The following PSMD5 variants were observed in gnomAD, a reference collection of about 807,000 sequenced individuals.
The protein encoded by PSMD5 is 26S proteasome non-ATPase regulatory subunit 5.
Under a neutral mutation model 52.1 loss-of-function variants are expected in PSMD5, and 40 were observed. The observed-to-expected ratio is 0.77, with a 90% CI of 0.60 to 1.00. The LOEUF (loss-of-function observed/expected upper bound fraction) is 1.00, where lower values mean the gene tolerates loss of function less well. Ranked by LOEUF, PSMD5 falls within the 50% of genes least tolerant of loss-of-function variation. The probability of loss-of-function intolerance (pLI) is 0.00; values close to 1 mark genes in which losing one functional copy is unlikely to be tolerated. For synonymous variants in PSMD5, 211 were observed against 226.6 expected, an observed-to-expected ratio of 0.93 and a Z score of 0.62; for missense variants, 575 against 605.2, an observed-to-expected ratio of 0.95 and a Z score of 0.52.
chr9:120,820,970 G>T lies in PSMD5; in HGVS notation c.1126C>A (p.Gln376Lys). 6.3e-7 allele frequency: 1 copy of T among 1,584,330 alleles called. No homozygotes were observed. The highest frequency in any genetic ancestry group is 8.5e-7 in the Non-Finnish European group (1 of 1,172,312). Reference protein sequence around the residue: ...SSLLYLPPEQQTDDLLRMTES... With the variant: ...SSLLYLPPEQKTDDLLRMTES... ...GTCATCCTCAGAAGGTCATCAGTCTGCTGCTCAGGCTACAGGAAAGAAAAG... is the reference window on the plus strand; with the variant it reads ...GTCATCCTCAGAAGGTCATCAGTCTTCTGCTCAGGCTACAGGAAAGAAAAG... The change falls in exon 9 of 10, where the codon CAG (glutamine) becomes AAG (lysine). Residue 376 changes from glutamine (Q) to lysine (K), a missense_variant. Gln to Lys is a moderately conservative substitution (Grantham distance 53). Coordinates refer to ENST00000210313, the MANE Select transcript of PSMD5 (RefSeq NM_005047.4).
rs762049840 is a variant in PSMD5 at position 120,826,783 on chromosome 9, A to G, written c.796T>C (p.Ser266Pro). Residue 266 changes from serine (S) to proline (P), a missense_variant, in exon 6 of 10, where the codon TCT becomes CCT. Transcript: ENST00000210313. Reference protein sequence around the residue: ...IIVGADSDPFSSFYLPGFVKF... With the variant: ...IIVGADSDPFPSFYLPGFVKF... The stretch of plus-strand genomic sequence containing the variant: ...TCCTTACCTGGCAGATAGAAGCTAG[A>G]GAAAGGGTCTGAATCTGCCCCAACA... 1 of 1,613,848 alleles carries G rather than the reference A, an allele frequency of 6.2e-7. No individual in the cohort carries two copies. Among genetic ancestry groups the G allele is most frequent in the Non-Finnish European group, 8.5e-7 (1 of 1,179,802 alleles).
chr9:120,831,123 G>A (rs1231681370), intron 4 of PSMD5, among the ~76,000 whole-genome samples: 4 of 152,046 alleles, frequency 2.6e-5, no homozygotes, highest in African/African-American at 9.7e-5. Context: ...GCCTCAAGGG[G>A]TCCTCCTGCC....
chr9:120,838,083 C>T (rs962647404), intron 1 of PSMD5, among the ~76,000 whole-genome samples: 1 of 152,198 alleles, frequency 6.6e-6, no homozygotes. Context: ...AGTTCATCTA[C>T]AGTGAGAGAA....
At chr9:120,821,557 G>T in intron 7 of PSMD5, 93 bp from the exon 8 acceptor site, 1 of 794,448 alleles carries the variant, frequency 1.3e-6, no homozygotes, top group Non-Finnish European at 1.9e-6. Context: ...GTATAGTTCA[G>T]TGCTATTAAG....
chr9:120,828,461 TGAGAC>T (rs2045138286), intron 5 of PSMD5, among the ~76,000 whole-genome samples: 1 of 150,696 alleles, frequency 6.6e-6, no homozygotes, highest in Admixed American at 6.6e-5. Context: ...TTTTTTTTTT[TGAGAC>T]AGAGTCTTAC....
chr9:120,828,358 A>G (rs910352613), intron 5 of PSMD5, among the ~76,000 whole-genome samples: 2 of 151,856 alleles, frequency 1.3e-5, no homozygotes, highest in Admixed American at 6.6e-5. Context: ...TAGAAAGCTT[A>G]TAATTATCTG....
At chr9:120,833,000 T>C (rs747817414) in intron 2 of PSMD5, among the ~76,000 whole-genome samples, 1 of 152,236 alleles carries the variant, frequency 6.6e-6, no homozygotes, top group Non-Finnish European at 1.5e-5. Flanking sequence ...GTTTTGTTTA[T>C]CTTGGTAACT....
chr9:120,831,416 A>C lies in PSMD5; in HGVS notation c.476T>G (p.Leu159Arg). The C allele has an allele frequency of 6.2e-7, 1 of 1,612,664 alleles. No homozygotes were observed. Residue 159 changes from leucine to arginine, a missense_variant, in exon 4 of 10, where the codon CTG (leucine) becomes CGG (arginine). Physicochemically the swap from Leu to Arg is moderately radical, Grantham distance 102. Coordinates refer to ENST00000210313, the MANE Select transcript of PSMD5 (RefSeq NM_005047.4). Reference protein sequence around the residue: ...LSRISLTQAGLEALFESNLLD... With the variant: ...LSRISLTQAGREALFESNLLD... ...CAGATTGCTTTCAAATAAAGCCTCC[A>C]GTCCAGCTTGGGTTAGTGATATTCT... is the stretch of plus-strand genomic sequence containing the variant.
intron 1 of PSMD5, among the ~76,000 whole-genome samples, chr9:120,840,619 CTT>C (rs35843505): frequency 9.5e-5 from 11 of 116,140 alleles, no homozygotes; most frequent in South Asian, 2.8e-4. Context: ...CTAATTTTTG[CTT>C]TTTTTTTTTT....
Position 120,818,033 on chromosome 9 carries a change from A to G in PSMD5, c.1388T>C (p.Leu463Pro). Residue 463 changes from leucine (L) to proline (P), a missense_variant, in exon 10 of 10, where the codon CTT becomes CCT. By Grantham distance (98) the Leu-to-Pro change is moderately conservative. Transcript: ENST00000210313. ...KDAKYELVKALANSKTIAEIF... is the reference protein window; with the variant it reads ...KDAKYELVKAPANSKTIAEIF... ...TTCTGCAATTGTCTTGGAATTGGCA[A>G]GTGCTTTCACTAGTTCATATTTGGC... is the stretch of plus-strand genomic sequence containing the variant. 6.2e-7 allele frequency: 1 copy of G among 1,614,212 alleles called. No individual in the cohort carries two copies. The highest frequency in any genetic ancestry group is 8.5e-7 in the Non-Finnish European group (1 of 1,180,036).
At position 120,824,201 on chromosome 9, in the gene PSMD5, T is replaced by G. The variant is rs2131423291; in HGVS notation, c.1006+293A>C. On this transcript the variant is annotated intron_variant, in intron 7 of 9. Transcript: ENST00000210313. Reference sequence around the variant, plus strand: ...AGCCCGTGGTCTTTGTACCATGAAATCTAGTCAAAGAAGACATCATAGAGG... The same window carrying G: ...AGCCCGTGGTCTTTGTACCATGAAAGCTAGTCAAAGAAGACATCATAGAGG... 6 of 375,440 alleles carry G rather than the reference T, an allele frequency of 1.6e-5. 1 individual carries two copies. Among genetic ancestry groups the G allele is most frequent in the South Asian group, 1.5e-4 (6 of 39,328 alleles). 23.3% of individuals were successfully genotyped at this position (375,440 alleles called of 1,614,324 possible). A position where few individuals can be genotyped will look rare whatever the true frequency, so the allele number is the denominator to read the frequency against.
chr9:120,823,896 C>T (rs1335881727), intron 7 of PSMD5, among the ~76,000 whole-genome samples: 1 of 151,748 alleles, frequency 6.6e-6, no homozygotes, highest in Non-Finnish European at 1.5e-5. Flanking sequence ...TTCACAACAA[C>T]CCTGAGAAGC....
At chr9:120,826,933 AG>A (rs1429960020) in intron 5 of PSMD5, 26 bp from the exon 6 acceptor site, 1 of 1,598,640 alleles carries the variant, frequency 6.3e-7, no homozygotes, top group South Asian at 1.1e-5. Flanking sequence ...GACAAAAACA[AG>A]GAGATTTTGC....
rs1215178833 is a variant in PSMD5, at chr9:120,816,366, T to C, written c.*1540A>G. On this transcript the variant is annotated 3_prime_UTR_variant, in exon 10 of 10. Transcript: ENST00000210313. ...GTACACTTAAAATAGTTATGACAAA[T>C]TTTATTGTATATATTGCACCACATT... is the stretch of plus-strand genomic sequence containing the variant. 3 of 152,144 alleles carry C rather than the reference T, an allele frequency of 2.0e-5. No homozygotes were observed. The highest frequency in any genetic ancestry group is 4.4e-5 in the Non-Finnish European group (3 of 68,030). 9.4% of individuals were successfully genotyped at this position (152,144 alleles called of 1,614,324 possible).
rs1339930203 is a variant in PSMD5 at position 120,817,743 on chromosome 9, A to G, written c.*163T>C. ...TTCCAAACTCCTAGTTCCACTTTGCATTTCAATGTAGAAATATAACAGTGT... is the reference window on the plus strand; with the variant it reads ...TTCCAAACTCCTAGTTCCACTTTGCGTTTCAATGTAGAAATATAACAGTGT... On this transcript the variant is annotated 3_prime_UTR_variant, in exon 10 of 10. Transcript: ENST00000210313. 4.9e-6 allele frequency: 4 copies of G among 821,200 alleles called. 1 individual carries two copies. The highest frequency in any genetic ancestry group is 3.7e-6 in the Non-Finnish European group (2 of 539,022). The allele number at this position is 821,200 out of a possible 1,614,324, so 50.9% of individuals were successfully genotyped here.
At chr9:120,831,560 TG>T in intron 3 of PSMD5, 101 bp from the exon 4 acceptor site, 1 of 1,356,570 alleles carries the variant, frequency 7.4e-7, no homozygotes, top group Non-Finnish European at 9.9e-7. Flanking sequence ...ACCTTGCCCA[TG>T]TTTTAGCTAT....
At chr9:120,827,158 C>T (rs768586024) in intron 5 of PSMD5, among the ~76,000 whole-genome samples, 1 of 152,144 alleles carries the variant, frequency 6.6e-6, no homozygotes, top group Non-Finnish European at 1.5e-5. Flanking sequence ...CTATTGTTTC[C>T]ACTATAACCT....
At chr9:120,840,973 C>G (rs186154060) in intron 1 of PSMD5, among the ~76,000 whole-genome samples, 1 of 151,434 alleles carries the variant, frequency 6.6e-6, no homozygotes, top group African/African-American at 2.4e-5. Flanking sequence ...AGGATGGTCT[C>G]GATCTCTTGA....
In PSMD5 at chr9:120,818,072, T is replaced by C. The variant is rs759632479; in HGVS notation, c.1349A>G (p.Lys450Arg). The C allele has an allele frequency of 4.3e-6, 7 of 1,614,102 alleles. No homozygotes were observed. The highest frequency in any genetic ancestry group is 2.7e-5 in the African/African-American group (2 of 74,930). Residue 450 changes from lysine to arginine, a missense_variant, in exon 10 of 10, where the codon AAA (lysine) becomes AGA (arginine). Coordinates refer to ENST00000210313, the MANE Select transcript of PSMD5 (RefSeq NM_005047.4). ...TTCATATTTGGCATCCTTTGAAGCTTTGTCATGCTCCACAGACCGGTCCAC... is the reference window on the plus strand; with the variant it reads ...TTCATATTTGGCATCCTTTGAAGCTCTGTCATGCTCCACAGACCGGTCCAC... The part of the protein sequence containing the change: ...YVVDRSVEHD[K>R]ASKDAKYELV...
Sources: gnomAD v4.1 joint callset for allele counts (sites outside exome capture counted in the v4.1 genomes callset) on GRCh38, gnomAD v4.1.1 for gene constraint, MANE v1.5 for transcripts, NCBI Gene and HGNC (gene_info 2026-07-23, HGNC 2026-07-21) for gene names.